The following DNAH7 variants were observed in gnomAD, a reference collection of about 807,000 sequenced individuals.
DNAH7 encodes the protein dynein axonemal heavy chain 7, also known as axonemal beta dynein heavy chain 7.
A neutral mutation model predicts 444.6 loss-of-function variants in DNAH7; 397 were observed. The ratio of observed to expected loss-of-function variants is 0.89; its 90% CI spans 0.82 to 0.97. The LOEUF is 0.97. DNAH7 is among the 50% of genes least tolerant of loss of function. The probability of loss-of-function intolerance (pLI) is 0.00; values close to 1 mark genes in which losing one functional copy is unlikely to be tolerated. For missense variants in DNAH7, 4,902 were observed against 4,800.8 expected, an observed-to-expected ratio of 1.02 and a Z score of -0.62; for synonymous variants, 1,636 against 1,624.4, an observed-to-expected ratio of 1.01 and a Z score of -0.17.
intron 64 of DNAH7, 52 bp from the exon 65 acceptor site, chr2:195,738,179 A>G: frequency 6.6e-7 from 1 of 1,514,366 alleles, no homozygotes; most frequent in Non-Finnish European, 9.1e-7. Flanking sequence ...TGTTAAATGT[A>G]CATGTGTTTG....
chr2:195,890,187 C>T (rs1268980346), intron 31 of DNAH7, among the ~76,000 whole-genome samples: 1 of 152,166 alleles, frequency 6.6e-6, no homozygotes, highest in African/African-American at 2.4e-5. Flanking sequence ...AGGCTCAAGC[C>T]ACCCCACACC....
Position 195,793,530 on chromosome 2 carries a change from C to T in DNAH7, c.10716+808G>A, listed in dbSNP as rs1180044646. ...TCTGGGAGTAACTTGCTCTCTCTGG[C>T]CCTAATCAATACAAAAGCTAGTCCT... On this transcript the variant is annotated intron_variant, in intron 57 of 64. Transcript: ENST00000312428. 3.3e-5 allele frequency among the ~76,000 whole-genome samples: 5 copies of T among 152,124 alleles called. 1 individual carries two copies. The highest frequency in any genetic ancestry group is 7.3e-5 in the Non-Finnish European group (5 of 68,032).
chr2:196,051,460 C>G (rs1697460823), intron 2 of DNAH7, among the ~76,000 whole-genome samples: 1 of 152,102 alleles, frequency 6.6e-6, no homozygotes, highest in African/African-American at 2.4e-5. Context: ...TCCAGCAATA[C>G]TTATCAGAAA....
At position 195,936,812 on chromosome 2, in the gene DNAH7, ACACT is replaced by A; in HGVS notation, c.3079-24_3079-21del. On this transcript the variant is annotated intron_variant, in intron 19 of 64. Coordinates refer to ENST00000312428, the MANE Select transcript of DNAH7 (RefSeq NM_018897.3). Reference sequence around the variant, plus strand: ...TTTATCCTAAAAATAAAAATAAAAAACACTCAATTCAAAAATATTAGATACTAAC... The same window carrying A: ...TTTATCCTAAAAATAAAAATAAAAAACAATTCAAAAATATTAGATACTAAC... 2 of 1,473,730 alleles carry A rather than the reference ACACT, an allele frequency of 1.4e-6. No homozygotes were observed. The highest frequency in any genetic ancestry group is 1.8e-6 in the Non-Finnish European group (2 of 1,109,446). The allele number at this position is 1,473,730 out of a possible 1,614,324, so 91.3% of individuals were successfully genotyped here.
intron 20 of DNAH7, among the ~76,000 whole-genome samples, chr2:195,935,028 A>G (rs1380977271): frequency 1.3e-5 from 2 of 152,230 alleles, no homozygotes; most frequent in East Asian, 3.8e-4. Flanking sequence ...AATTACAATT[A>G]TAGTAAGAGC....
chr2:195,906,606 T>C (rs1226472727), intron 27 of DNAH7, 53 bp downstream of exon 27: 12 of 1,562,354 alleles, frequency 7.7e-6, no homozygotes, highest in Non-Finnish European at 1.7e-6. Flanking sequence ...TTTCATATAT[T>C]AACTTTGTAA....
At chr2:195,928,223 CTCCATCTAT>C (rs1688466566) in intron 21 of DNAH7, among the ~76,000 whole-genome samples, 2 of 152,170 alleles carry the variant, frequency 1.3e-5, no homozygotes, top group South Asian at 4.1e-4. Flanking sequence ...TGGACTCCAG[CTCCATCTAT>C]GTTGCTACAA....
At chr2:195,764,835 AC>A (rs1694500579) in intron 61 of DNAH7, among the ~76,000 whole-genome samples, 1 of 151,650 alleles carries the variant, frequency 6.6e-6, no homozygotes, top group African/African-American at 2.4e-5. Context: ...ATTCAGTGCA[AC>A]CCCCATCAAA....
At chr2:195,938,454 G>A (rs1689206773) in intron 19 of DNAH7, among the ~76,000 whole-genome samples, 2 of 151,622 alleles carry the variant, frequency 1.3e-5, no homozygotes, top group South Asian at 4.2e-4. Context: ...TGTTCTTAGA[G>A]TGCCACCTTC....
chr2:195,949,183 T>C (rs961701181), intron 19 of DNAH7, among the ~76,000 whole-genome samples: 3 of 152,178 alleles, frequency 2.0e-5, no homozygotes, highest in African/African-American at 7.2e-5. Context: ...CTTAAGGAGA[T>C]TTTGGGCTGA....
At chr2:195,856,917 C>T (rs771325553) in intron 44 of DNAH7, among the ~76,000 whole-genome samples, 1 of 151,982 alleles carries the variant, frequency 6.6e-6, no homozygotes, top group Non-Finnish European at 1.5e-5. Flanking sequence ...TCACATTAAA[C>T]CACACATTAA....
intron 1 of DNAH7, chr2:196,068,404 A>C (rs991321772): frequency 2.2e-6 from 1 of 452,318 alleles, no homozygotes. Flanking sequence ...TCACCCAAGC[A>C]CACCGCCATT....
chr2:195,949,901 C>G (rs991609254), intron 19 of DNAH7, among the ~76,000 whole-genome samples: 5 of 152,110 alleles, frequency 3.3e-5, no homozygotes, highest in African/African-American at 1.2e-4. Flanking sequence ...TGATGGATTA[C>G]GTTTACTGAT....
At chr2:195,771,099 A>T (rs1340130366) in intron 61 of DNAH7, among the ~76,000 whole-genome samples, 1 of 152,096 alleles carries the variant, frequency 6.6e-6, no homozygotes, top group East Asian at 1.9e-4. Context: ...AGGCGGGAGT[A>T]TCACTTGAGC....
intron 40 of DNAH7, among the ~76,000 whole-genome samples, chr2:195,871,331 C>A (rs918333107): frequency 3.9e-5 from 6 of 152,126 alleles, no homozygotes; most frequent in Non-Finnish European, 8.8e-5. Context: ...AAGGGTCTTG[C>A]TCTATCACCC....
chr2:195,968,775 C>G (rs879356051), intron 17 of DNAH7, among the ~76,000 whole-genome samples: 1 of 152,174 alleles, frequency 6.6e-6, no homozygotes, highest in Non-Finnish European at 1.5e-5. Flanking sequence ...CACAGTGGCA[C>G]GGCCTGCTGA....
chr2:195,988,282 T>A, intron 12 of DNAH7, 53 bp from the exon 13 acceptor site: 1 of 1,411,400 alleles, frequency 7.1e-7, no homozygotes, highest in East Asian at 2.4e-5. Context: ...AGTAACTATA[T>A]CATTTATCTT....
intron 51 of DNAH7, among the ~76,000 whole-genome samples, chr2:195,810,452 G>C (rs1170252041): frequency 1.3e-5 from 2 of 151,960 alleles, no homozygotes; most frequent in Non-Finnish European, 2.9e-5. Flanking sequence ...CTGTCACCCA[G>C]GTTGGAGTGA....
chr2:195,869,001 T>C (rs1700516850), intron 40 of DNAH7, among the ~76,000 whole-genome samples: 1 of 151,902 alleles, frequency 6.6e-6, no homozygotes, highest in African/African-American at 2.4e-5. Flanking sequence ...TTAAGTTCAA[T>C]TGTTGCAGGA....
Sources: gnomAD v4.1 joint callset for allele counts (sites outside exome capture counted in the v4.1 genomes callset) on GRCh38, gnomAD v4.1.1 for gene constraint, MANE v1.5 for transcripts, NCBI Gene and HGNC (gene_info 2026-07-23, HGNC 2026-07-21) for gene names.